Variants in FAM13C observed in about 807,000 individuals in gnomAD.
FAM13C encodes the protein protein FAM13C.
FAM13C carries 37 observed loss-of-function variants against 73.2 expected under a neutral mutation model. That is an observed-to-expected ratio of 0.51 (90% CI 0.39 to 0.67). FAM13C has a LOEUF of 0.67. Among genes scored for constraint, FAM13C ranks in the 30% least tolerant of loss-of-function variants. The pLI is 0.00. For missense variants in FAM13C, 589 were observed against 715.6 expected (o/e 0.82, Z 2.02); for synonymous variants, 246 against 260.9 (o/e 0.94, Z 0.55).
chr10:59,338,034 C>T (rs2134153839), intron 3 of FAM13C, among the ~76,000 whole-genome samples: 1 of 152,176 alleles, frequency 6.6e-6, no homozygotes, highest in South Asian at 2.1e-4. Flanking sequence ...ATACAATAAC[C>T]ATACTAACAG....
intron 6 of FAM13C, among the ~76,000 whole-genome samples, chr10:59,280,620 A>G (rs1354236174): frequency 6.6e-6 from 1 of 152,216 alleles, no homozygotes; most frequent in Non-Finnish European, 1.5e-5. Flanking sequence ...GACTGTCTAG[A>G]GAGGATGCCA....
At chr10:59,251,893 G>A (rs1179117523) in intron 12 of FAM13C, among the ~76,000 whole-genome samples, 2 of 152,062 alleles carry the variant, frequency 1.3e-5, no homozygotes, top group Non-Finnish European at 2.9e-5. Flanking sequence ...ACAGGATAGG[G>A]GAAAGGACAG....
At chr10:59,299,459 C>T (rs886831679) in intron 5 of FAM13C, among the ~76,000 whole-genome samples, 1 of 148,928 alleles carries the variant, frequency 6.7e-6, no homozygotes, top group Non-Finnish European at 1.5e-5. Context: ...ATGTGGTGCT[C>T]TTTCATATAT....
At chr10:59,341,620 T>C (rs1304813717) in intron 3 of FAM13C, among the ~76,000 whole-genome samples, 1 of 152,002 alleles carries the variant, frequency 6.6e-6, no homozygotes, top group Admixed American at 6.6e-5. Context: ...ACCCGGAAGG[T>C]GGAGGTTGCG....
At chr10:59,354,904 C>T (rs1374683075) in intron 2 of FAM13C, among the ~76,000 whole-genome samples, 1 of 151,988 alleles carries the variant, frequency 6.6e-6, no homozygotes, top group Non-Finnish European at 1.5e-5. Flanking sequence ...GTTCCTGCAA[C>T]TCAAACAATT....
At chr10:59,275,649 A>C (rs1483780463) in intron 6 of FAM13C, among the ~76,000 whole-genome samples, 1 of 152,170 alleles carries the variant, frequency 6.6e-6, no homozygotes, top group Non-Finnish European at 1.5e-5. Flanking sequence ...TTTTGTAATG[A>C]CTATAGGCTA....
chr10:59,248,587 T>C (rs1367317647), intron 13 of FAM13C, among the ~76,000 whole-genome samples: 2 of 152,170 alleles, frequency 1.3e-5, no homozygotes. Flanking sequence ...TGAAAACATT[T>C]CCACCCACGA....
chr10:59,338,738 G>A (rs1853096813), intron 3 of FAM13C, among the ~76,000 whole-genome samples: 1 of 152,080 alleles, frequency 6.6e-6, no homozygotes. Context: ...ATTGCCCTAT[G>A]CCCATATGTC....
intron 6 of FAM13C, among the ~76,000 whole-genome samples, chr10:59,272,585 C>G (rs1435966040): frequency 1.3e-5 from 2 of 152,154 alleles, no homozygotes; most frequent in East Asian, 3.9e-4. Context: ...TACTTTCTAT[C>G]CCCAAGGAAG....
rs567951603 is a variant in FAM13C at position 59,271,953 on chromosome 10, C to T, written c.593-1844G>A. 1.0e-3 allele frequency among the ~76,000 whole-genome samples: 155 copies of T among 152,254 alleles called. 2 individuals are homozygous for T. In the South Asian group the frequency reaches 0.014, roughly 14 times the overall value. The stretch of plus-strand genomic sequence containing the variant: ...CCCAGGGTCAAAACTAACAAGGTCT[C>T]TTACTGGTTGCTGTTTTATAATGCC... On this transcript the variant is annotated intron_variant, in intron 6 of 13. Coordinates refer to ENST00000618804, the MANE Select transcript of FAM13C (RefSeq NM_198215.4).
chr10:59,338,996 T>C (rs1853131576), intron 3 of FAM13C, among the ~76,000 whole-genome samples: 1 of 152,140 alleles, frequency 6.6e-6, no homozygotes, highest in Non-Finnish European at 1.5e-5. Flanking sequence ...GGCCATGCTC[T>C]CTCCAAAGGC....
chr10:59,249,408 G>GAAAA lies in FAM13C; in HGVS notation c.1635-1675_1635-1672dup, dbSNP rs71006241. 3.4e-3 allele frequency among the ~76,000 whole-genome samples: 341 copies of GAAAA among 99,130 alleles called. 4 individuals carry two copies. The highest frequency in any genetic ancestry group is 4.0e-3 in the East Asian group (12 of 3,016). 65.0% of individuals were successfully genotyped at this position (99,130 alleles called of 152,430 possible). ...GACAGAGTGAGACTCCGTCTCAAAA[G>GAAAA]AAAAAAAAAAAAAAAAAAAAAAGAG... On this transcript the variant is annotated intron_variant, in intron 13 of 13. Transcript: ENST00000618804.
intron 5 of FAM13C, among the ~76,000 whole-genome samples, chr10:59,286,516 A>AATATATATATATATATATATATAT (rs1159774665): frequency 1.6e-3 from 172 of 110,872 alleles, no homozygotes; most frequent in African/African-American, 2.6e-3. Flanking sequence ...CTCCATCTCA[A>AATATATATATATATATATATATAT]ATATATATAT....
intron 8 of FAM13C, among the ~76,000 whole-genome samples, chr10:59,266,873 G>A (rs2133520808): frequency 6.6e-6 from 1 of 152,328 alleles, no homozygotes; most frequent in South Asian, 2.1e-4. Flanking sequence ...CTGCCATGGA[G>A]TAGCCTATTT....
In FAM13C at chr10:59,283,413, G is replaced by T; in HGVS notation, c.542C>A (p.Pro181Gln). The T allele has an allele frequency of 1.2e-6, 2 of 1,614,156 alleles. No individual in the cohort carries two copies. The highest frequency in any genetic ancestry group is 1.7e-6 in the Non-Finnish European group (2 of 1,180,026). ...EAAQVHGVKD[P>Q]APASTQSVLA... ...CACGCTCTGGGTTGATGCTGGCGCC[G>T]GGTCCTTGACTCCATGCACCTGAGC... is the stretch of plus-strand genomic sequence containing the variant. Residue 181 changes from proline (P) to glutamine (Q), a missense_variant, in exon 6 of 14, where the codon CCG becomes CAG. By Grantham distance (76) the Pro-to-Gln change is moderately conservative. Coordinates refer to ENST00000618804, the MANE Select transcript of FAM13C (RefSeq NM_198215.4).
intron 5 of FAM13C, among the ~76,000 whole-genome samples, chr10:59,285,258 C>T (rs914531329): frequency 1.3e-5 from 2 of 152,140 alleles, no homozygotes; most frequent in African/African-American, 4.8e-5. Context: ...TTTTGGCTTC[C>T]TCCTCCATTC....
At chr10:59,282,217 A>C (rs1442705735) in intron 6 of FAM13C, 1 of 152,194 alleles carries the variant, frequency 6.6e-6, no homozygotes, top group Non-Finnish European at 1.5e-5. Context: ...AGGTCAGTTT[A>C]AGTATTTAAT....
intron 5 of FAM13C, among the ~76,000 whole-genome samples, chr10:59,288,428 G>A (rs1440659172): frequency 2.0e-5 from 3 of 152,158 alleles, no homozygotes; most frequent in Non-Finnish European, 4.4e-5. Context: ...AGGAGGTGGA[G>A]GGTGCAGTGA....
At chr10:59,347,698 C>T (rs1418400948) in intron 3 of FAM13C, among the ~76,000 whole-genome samples, 1 of 150,780 alleles carries the variant, frequency 6.6e-6, no homozygotes, top group Non-Finnish European at 1.5e-5. Context: ...CCGCAACAGG[C>T]CCCAGTGTGT....
Sources: gnomAD v4.1 joint callset for allele counts (sites outside exome capture counted in the v4.1 genomes callset) on GRCh38, gnomAD v4.1.1 for gene constraint, MANE v1.5 for transcripts, NCBI Gene and HGNC (gene_info 2026-07-23, HGNC 2026-07-21) for gene names.